HELLS: variants seen among roughly 807,000 people sequenced by gnomAD.
The protein encoded by HELLS is lymphoid-specific helicase.
A neutral mutation model predicts 120.0 loss-of-function variants in HELLS; 32 were observed. The observed-to-expected ratio is 0.27, with a 90% confidence interval of 0.20 to 0.36. The LOEUF is 0.36. Ranked by LOEUF, HELLS falls within the 10% of genes least tolerant of loss-of-function variation. The pLI is 1.00. For synonymous variants in HELLS, 341 were observed against 323.4 expected, an observed-to-expected ratio of 1.05 and a Z score of -0.58; for missense variants, 650 against 993.4, an observed-to-expected ratio of 0.65 and a Z score of 4.65.
In HELLS at chr10:94,594,836, A is replaced by G; in HGVS notation, c.2230A>G (p.Lys744Glu). Residue 744 changes from lysine to glutamate, a missense_variant, in exon 19 of 22, where the codon AAG (lysine) becomes GAG (glutamate). By Grantham distance (56) the Lys-to-Glu change is moderately conservative (BLOSUM62 1). Around this residue, in one of 9 missense-constraint regions of HELLS, gnomAD observed 90 missense variants for 109.2 expected, o/e 0.82. Transcript: ENST00000348459. Reference protein sequence around the residue: ...ERAAAKRKLEKLIIHKNHFKG... With the variant: ...ERAAAKRKLEELIIHKNHFKG... Reference sequence around the variant, plus strand: ...AGCAGCTGCTAAAAGGAAACTGGAAAAGTTGATCATCCATAAAAGTAAATA... The same window carrying G: ...AGCAGCTGCTAAAAGGAAACTGGAAGAGTTGATCATCCATAAAAGTAAATA... 1 of 1,612,566 alleles carries G rather than the reference A, an allele frequency of 6.2e-7. No individual in the cohort carries two copies. Among genetic ancestry groups the G allele is most frequent in the Non-Finnish European group, 8.5e-7 (1 of 1,178,908 alleles).
chr10:94,552,334 C>T (rs577978871), intron 2 of HELLS, among the ~76,000 whole-genome samples: 3 of 152,140 alleles, frequency 2.0e-5, no homozygotes, highest in African/African-American at 7.2e-5. Context: ...ATTTTTAGTG[C>T]TGTTGCTGAG....
exon 10 of HELLS, chr10:94,610,669 A>G (rs1018602): frequency 0.37 from 55,928 of 151,858 alleles, 10,841 homozygotes; most frequent in East Asian, 0.68. Context: ...GCTCACTGCA[A>G]TCTCCGCTTC....
At chr10:94,582,068 G>A (rs1193078256) in intron 11 of HELLS, among the ~76,000 whole-genome samples, 1 of 152,158 alleles carries the variant, frequency 6.6e-6, no homozygotes, top group Non-Finnish European at 1.5e-5. Context: ...TCAGAATGGA[G>A]GAGGAGGTAA....
chr10:94,563,873 C>T (rs938324840), intron 6 of HELLS, among the ~76,000 whole-genome samples: 1 of 147,518 alleles, frequency 6.8e-6, no homozygotes, highest in African/African-American at 2.5e-5. Context: ...TGCAATGGTG[C>T]GATCTAGGCT....
intron 10 of HELLS, among the ~76,000 whole-genome samples, chr10:94,579,383 A>G (rs1315086291): frequency 2.6e-5 from 4 of 151,346 alleles, no homozygotes; most frequent in Non-Finnish European, 5.9e-5. Flanking sequence ...TTGTATTTCT[A>G]GTAGAGATGG....
chr10:94,567,585 C>G (rs1453579376), intron 6 of HELLS, among the ~76,000 whole-genome samples: 1 of 152,212 alleles, frequency 6.6e-6, no homozygotes, highest in Non-Finnish European at 1.5e-5. Flanking sequence ...GCATGAGCCA[C>G]TGCACCGGCC....
At chr10:94,604,771 AT>A (rs1205589277), downstream of HELLS, among the ~76,000 whole-genome samples, 2 of 151,742 alleles carry the variant, frequency 1.3e-5, no homozygotes, top group Non-Finnish European at 2.9e-5. Flanking sequence ...CTGTGATTTT[AT>A]TTTCATTCTT....
In HELLS at chr10:94,596,909, A is replaced by C. The variant is rs1291550308; in HGVS notation, c.2298A>C (p.Leu766Phe). 6.6e-7 allele frequency: 1 copy of C among 1,523,428 alleles called. No homozygotes were observed. Among genetic ancestry groups the C allele is most frequent in the Non-Finnish European group, 9.1e-7 (1 of 1,098,976 alleles). The allele number at this position is 1,523,428 out of a possible 1,614,324, so 94.4% of individuals were successfully genotyped here. Residue 766 changes from leucine to phenylalanine, a missense_variant, in exon 20 of 22, where the codon TTA (leucine) becomes TTC (phenylalanine). Physicochemically the swap from Leu to Phe is conservative, Grantham distance 22. Transcript: ENST00000348459. ...QSGLNLSKNF[L>F]DPKELMELLK... Reference sequence around the variant, plus strand: ...GATTAAATCTGTCTAAGAATTTCTTAGATCCTAAGGAATTAATGGAATTAT... The same window carrying C: ...GATTAAATCTGTCTAAGAATTTCTTCGATCCTAAGGAATTAATGGAATTAT...
chr10:94,592,969 G>C (rs1035942678), intron 17 of HELLS, among the ~76,000 whole-genome samples: 1 of 152,030 alleles, frequency 6.6e-6, no homozygotes, highest in African/African-American at 2.4e-5. Flanking sequence ...TGGTTTTTTG[G>C]TGCATTTAAA....
At chr10:94,547,020 A>G (rs1158274341) in intron 2 of HELLS, among the ~76,000 whole-genome samples, 1 of 152,156 alleles carries the variant, frequency 6.6e-6, no homozygotes, top group Non-Finnish European at 1.5e-5. Context: ...TTTTGGTTTC[A>G]TGGCCTGTGT....
intron 12 of HELLS, among the ~76,000 whole-genome samples, chr10:94,587,192 C>T (rs17519764): frequency 0.12 from 18,142 of 151,846 alleles, 1,374 homozygotes; most frequent in Non-Finnish European, 0.16. Flanking sequence ...TGTCTGCATC[C>T]CTAGGTCAGC....
chr10:94,595,350 T>C (rs569681297), intron 19 of HELLS, among the ~76,000 whole-genome samples: 6 of 152,252 alleles, frequency 3.9e-5, no homozygotes, highest in East Asian at 1.9e-4. Flanking sequence ...TATGTAGATA[T>C]GTAGATGAAG....
At chr10:94,588,482 C>T (rs922003247) in intron 13 of HELLS, 92 bp downstream of exon 13, 8 of 933,406 alleles carry the variant, frequency 8.6e-6, no homozygotes, top group African/African-American at 6.8e-5. Context: ...GTCGCTCTGT[C>T]ACCCAGGCTG....
chr10:94,590,661 C>G lies in HELLS; in HGVS notation c.1652C>G (p.Pro551Arg), dbSNP rs1845442746. The change falls in exon 15 of 22, where the codon CCT (proline) becomes CGT (arginine). Residue 551 changes from proline (P) to arginine (R), a missense_variant. By Grantham distance (103) the Pro-to-Arg change is moderately radical. Coordinates refer to ENST00000348459, the MANE Select transcript of HELLS (RefSeq NM_018063.5). ...RERAVVEVNI[P>R]VESEVNLKLQ... ...AGAGCTGTTGTGGAAGTGAATATCCCTGTAGAATCTGAAGTTAATCTGAAG... is the reference window on the plus strand; with the variant it reads ...AGAGCTGTTGTGGAAGTGAATATCCGTGTAGAATCTGAAGTTAATCTGAAG... The G allele has an allele frequency of 1.2e-6, 2 of 1,610,422 alleles. No individual in the cohort carries two copies. The highest frequency in any genetic ancestry group is 2.7e-5 in the African/African-American group (2 of 74,762).
intron 7 of HELLS, 71 bp from the exon 8 acceptor site, chr10:94,573,889 A>G (rs1844306436): frequency 1.2e-6 from 1 of 835,020 alleles, no homozygotes; most frequent in Non-Finnish European, 2.0e-6. Flanking sequence ...TGTTAGTTGC[A>G]TTTTCTGATA....
intron 6 of HELLS, among the ~76,000 whole-genome samples, chr10:94,564,763 A>T (rs983126923): frequency 3.3e-5 from 5 of 151,692 alleles, no homozygotes; most frequent in Non-Finnish European, 7.4e-5. Context: ...ACAGGTACCT[A>T]TTTGTATTTT....
At chr10:94,568,108 C>T (rs952244644) in intron 6 of HELLS, among the ~76,000 whole-genome samples, 1 of 151,752 alleles carries the variant, frequency 6.6e-6, no homozygotes, top group African/African-American at 2.4e-5. Flanking sequence ...TGGAGTTTCA[C>T]CATTTTGGCC....
intron 9 of HELLS, among the ~76,000 whole-genome samples, chr10:94,575,224 G>A (rs980812036): frequency 2.0e-5 from 3 of 150,390 alleles, no homozygotes; most frequent in South Asian, 2.1e-4. Context: ...CTGAGCCACC[G>A]GAGTAGCTGG....
chr10:94,579,223 C>T (rs1844688456), intron 10 of HELLS, among the ~76,000 whole-genome samples: 1 of 122,628 alleles, frequency 8.2e-6, no homozygotes, highest in Admixed American at 8.6e-5. Context: ...TTTTTTGAGG[C>T]AGAGTCTTGC....
Sources: allele counts gnomAD v4.1 joint callset (sites outside exome capture counted in the v4.1 genomes callset), GRCh38; gene constraint gnomAD v4.1.1; regional missense constraint gnomAD v4.1.1; transcripts MANE v1.5; gene names NCBI Gene and HGNC (gene_info 2026-07-23, HGNC 2026-07-21).